Variants in LSAMP observed in about 807,000 individuals in gnomAD.
LSAMP encodes limbic system-associated membrane protein.
Under a neutral mutation model 38.6 loss-of-function variants are expected in LSAMP, and 7 were observed. The ratio of observed to expected loss-of-function variants is 0.18; its 90% CI spans 0.10 to 0.34. The LOEUF (loss-of-function observed/expected upper bound fraction) is 0.34. Among genes scored for constraint, LSAMP ranks in the 10% least tolerant of loss-of-function variants. The pLI is 1.00. For synonymous variants in LSAMP, 154 were observed against 166.8 expected (o/e 0.92, Z 0.59); for missense variants, 313 against 420.0 (o/e 0.75, Z 2.23).
chr3:116,207,565 G>A (rs1215769512), intron 1 of LSAMP, among the ~76,000 whole-genome samples: 1 of 151,622 alleles, frequency 6.6e-6, no homozygotes, highest in Non-Finnish European at 1.5e-5. Flanking sequence ...TCCATGTTTA[G>A]CGCTTCCTTC....
chr3:116,371,683 A>G (rs940252666), intron 1 of LSAMP, among the ~76,000 whole-genome samples: 9 of 152,238 alleles, frequency 5.9e-5, no homozygotes, highest in African/African-American at 2.2e-4. Context: ...GCTCATCCAC[A>G]GCAATTAGGC....
chr3:116,094,432 C>T (rs1708183240), intron 1 of LSAMP, among the ~76,000 whole-genome samples: 1 of 152,218 alleles, frequency 6.6e-6, no homozygotes, highest in Non-Finnish European at 1.5e-5. Flanking sequence ...AGACCCTAAT[C>T]TTAGTTTGGT....
At chr3:115,972,554 G>A (rs979834425) in intron 3 of LSAMP, among the ~76,000 whole-genome samples, 3 of 151,400 alleles carry the variant, frequency 2.0e-5, no homozygotes, top group African/African-American at 7.3e-5. Flanking sequence ...TCCTTTATTT[G>A]AATTCAAATA....
intron 3 of LSAMP, among the ~76,000 whole-genome samples, chr3:115,956,071 T>C (rs1466819580): frequency 1.3e-5 from 2 of 152,214 alleles, no homozygotes; most frequent in South Asian, 2.1e-4. Context: ...CGACCATGAT[T>C]TACCTCTTTG....
intron 1 of LSAMP, among the ~76,000 whole-genome samples, chr3:116,212,127 G>A (rs1383637595): frequency 6.6e-6 from 1 of 152,168 alleles, no homozygotes; most frequent in Non-Finnish European, 1.5e-5. Flanking sequence ...CAGCCATGAG[G>A]CAATTCACAG....
intron 6 of LSAMP, among the ~76,000 whole-genome samples, chr3:115,818,217 G>T (rs1317213646): frequency 1.3e-5 from 2 of 152,172 alleles, no homozygotes; most frequent in East Asian, 3.9e-4. Context: ...GGCTGGAAAG[G>T]TACGACTCTT....
chr3:116,308,068 A>G (rs1272986854), intron 1 of LSAMP, among the ~76,000 whole-genome samples: 1 of 151,934 alleles, frequency 6.6e-6, no homozygotes, highest in Non-Finnish European at 1.5e-5. Context: ...TACTATTTTT[A>G]TTTGTTTTAA....
chr3:116,235,440 T>C (rs1009869671), intron 1 of LSAMP, among the ~76,000 whole-genome samples: 1 of 151,918 alleles, frequency 6.6e-6, no homozygotes, highest in African/African-American at 2.4e-5. Flanking sequence ...GAATTACGCA[T>C]CCTCATGCAT....
chr3:115,823,522 A>G (rs748124243), intron 6 of LSAMP, among the ~76,000 whole-genome samples: 1 of 152,252 alleles, frequency 6.6e-6, no homozygotes, highest in African/African-American at 2.4e-5. Flanking sequence ...GAGGGATTAC[A>G]CAGGAGCTTT....
intron 1 of LSAMP, among the ~76,000 whole-genome samples, chr3:116,146,362 C>T (rs143299701): frequency 4.4e-4 from 67 of 152,016 alleles, no homozygotes; most frequent in African/African-American, 1.5e-3. Flanking sequence ...CAGCTCTTTG[C>T]TACTTTTAAA....
At chr3:116,051,646 C>A (rs928092990) in intron 2 of LSAMP, among the ~76,000 whole-genome samples, 1 of 152,140 alleles carries the variant, frequency 6.6e-6, no homozygotes, top group Non-Finnish European at 1.5e-5. Context: ...AGAATCCAGA[C>A]CCCTCTTTAC....
Position 115,935,810 on chromosome 3 carries a change from G to T in LSAMP, c.515-83193C>A, listed in dbSNP as rs932795461. Among the ~76,000 whole-genome samples, 3 of 152,238 alleles carry T rather than the reference G, an allele frequency of 2.0e-5. No individual in the cohort carries two copies. In the East Asian group the frequency reaches 5.8e-4, roughly 29 times the overall value. On this transcript the variant is annotated intron_variant, in intron 3 of 6. Coordinates refer to ENST00000490035, the MANE Select transcript of LSAMP (RefSeq NM_002338.5). ...TTTTAGTGTCTGTAAAATCTAGCAAGGTGTCATGACACTTCTTGGCTGTAA... is the reference window on the plus strand; with the variant it reads ...TTTTAGTGTCTGTAAAATCTAGCAATGTGTCATGACACTTCTTGGCTGTAA...
chr3:116,220,185 A>ACACACACACACAC (rs1553714688), intron 1 of LSAMP, among the ~76,000 whole-genome samples: 3 of 141,376 alleles, frequency 2.1e-5, no homozygotes, highest in South Asian at 2.3e-4. Flanking sequence ...TCCATCTCAA[A>ACACACACACACAC]ACACACACAC....
intron 1 of LSAMP, among the ~76,000 whole-genome samples, chr3:116,167,379 G>C (rs922367630): frequency 6.6e-6 from 1 of 152,078 alleles, no homozygotes; most frequent in Non-Finnish European, 1.5e-5. Flanking sequence ...GTATTATTTG[G>C]ACTGAGAGGT....
At chr3:116,042,193 T>C (rs1343259799) in intron 2 of LSAMP, among the ~76,000 whole-genome samples, 3 of 152,210 alleles carry the variant, frequency 2.0e-5, no homozygotes, top group African/African-American at 4.8e-5. Flanking sequence ...TATGATAAGA[T>C]ATGAAGGGTT....
chr3:115,860,761 G>A (rs1249024310), intron 3 of LSAMP, among the ~76,000 whole-genome samples: 1 of 152,210 alleles, frequency 6.6e-6, no homozygotes, highest in Non-Finnish European at 1.5e-5. Flanking sequence ...CTTAGTACTA[G>A]AGAAGATTTC....
At chr3:116,303,357 T>C (rs2107708540) in intron 1 of LSAMP, among the ~76,000 whole-genome samples, 1 of 152,314 alleles carries the variant, frequency 6.6e-6, no homozygotes, top group Non-Finnish European at 1.5e-5. Context: ...ATTGAAGAAG[T>C]AGACTTTAAA....
At chr3:116,041,075 C>T (rs9878289) in intron 2 of LSAMP, among the ~76,000 whole-genome samples, 20,350 of 152,082 alleles carry the variant, frequency 0.13, 1,463 homozygotes, top group Non-Finnish European at 0.16. Context: ...AGGTGTGAGC[C>T]GCCACACCTG....
intron 3 of LSAMP, among the ~76,000 whole-genome samples, chr3:115,864,538 T>C (rs773414822): frequency 2.0e-5 from 3 of 152,294 alleles, no homozygotes; most frequent in Non-Finnish European, 2.9e-5. Flanking sequence ...CCTAATGATA[T>C]GAACTATAAA....
Sources: allele counts gnomAD v4.1 joint callset (sites outside exome capture counted in the v4.1 genomes callset), GRCh38; gene constraint gnomAD v4.1.1; transcripts MANE v1.5; gene names NCBI Gene and HGNC (gene_info 2026-07-23, HGNC 2026-07-21).